The following SLAMF6 variants were observed in gnomAD, a reference collection of about 807,000 sequenced individuals.
The protein encoded by SLAMF6 is SLAM family member 6.
A neutral mutation model predicts 38.3 loss-of-function variants in SLAMF6; 21 were observed. The ratio of observed to expected loss-of-function variants is 0.55; its 90% CI spans 0.39 to 0.79. SLAMF6 has a LOEUF of 0.79. SLAMF6 is among the 30% of genes least tolerant of loss of function. The probability of loss-of-function intolerance (pLI) is 0.00; values close to 1 mark genes in which losing one functional copy is unlikely to be tolerated. For missense variants in SLAMF6, 341 were observed against 385.3 expected (o/e 0.89, Z 0.96); for synonymous variants, 152 against 146.3 (o/e 1.04, Z -0.28).
In SLAMF6 at chr1:160,517,183, C is replaced by A. The variant is rs1244781477; in HGVS notation, c.49+5961G>T. Among the ~76,000 whole-genome samples the A allele has an allele frequency of 2.0e-5, 3 of 152,116 alleles. No individual in the cohort carries two copies. In the East Asian group the frequency reaches 5.8e-4, roughly 29 times the overall value. On this transcript the variant is annotated intron_variant, in intron 1 of 7. Transcript: ENST00000368057. ...TTACAAGAAAAAAATCAAACAACCC[C>A]ATTAAAAGGCGAGCAAAGGACATTA...
chr1:160,490,451 G>T, intron 4 of SLAMF6, 124 bp downstream of exon 4: 3 of 1,380,388 alleles, frequency 2.2e-6, no homozygotes, highest in East Asian at 2.4e-5. Context: ...GACTAGCTGA[G>T]CCAGGGTTTG....
chr1:160,490,846 G>T (rs1356649215), intron 3 of SLAMF6, 161 bp from the exon 4 acceptor site: 9 of 709,922 alleles, frequency 1.3e-5, no homozygotes, highest in Non-Finnish European at 1.6e-5. Context: ...GGCAGGGGAG[G>T]GTGGGGCCCA....
intron 2 of SLAMF6, among the ~76,000 whole-genome samples, chr1:160,495,372 C>T (rs1653521462): frequency 6.6e-6 from 1 of 152,186 alleles, no homozygotes; most frequent in African/African-American, 2.4e-5. Flanking sequence ...TAAGAAATCT[C>T]ATTATAGTTT....
chr1:160,489,000 T>C (rs1571279239), intron 6 of SLAMF6, 88 bp downstream of exon 6: 1 of 1,255,428 alleles, frequency 8.0e-7, no homozygotes, highest in East Asian at 2.3e-5. Flanking sequence ...TCAGTGGTCA[T>C]TTGTTCAGTC....
chr1:160,504,394 TA>T (rs59423926), intron 1 of SLAMF6, among the ~76,000 whole-genome samples: 4,901 of 151,676 alleles, frequency 0.032, 153 homozygotes, highest in East Asian at 0.11. Flanking sequence ...TATACACAAT[TA>T]AAAAAAAATC....
intron 1 of SLAMF6, among the ~76,000 whole-genome samples, chr1:160,507,224 A>C (rs1571305090): frequency 6.6e-6 from 1 of 152,252 alleles, no homozygotes; most frequent in African/African-American, 2.4e-5. Context: ...TAGTAACCAA[A>C]AGAGAGTTAC....
chr1:160,501,540 G>A (rs1653891018), intron 1 of SLAMF6, among the ~76,000 whole-genome samples: 1 of 152,186 alleles, frequency 6.6e-6, no homozygotes, highest in African/African-American at 2.4e-5. Context: ...TTAGAGATAT[G>A]TGCTCCATGG....
At chr1:160,492,351 G>A (rs1278734963) in intron 2 of SLAMF6, among the ~76,000 whole-genome samples, 1 of 152,206 alleles carries the variant, frequency 6.6e-6, no homozygotes, top group East Asian at 1.9e-4. Flanking sequence ...GAGTATTCAT[G>A]TATGGGAAAA....
intron 6 of SLAMF6, among the ~76,000 whole-genome samples, chr1:160,488,748 A>C (rs147931598): frequency 6.8e-4 from 104 of 152,322 alleles, no homozygotes; most frequent in African/African-American, 1.9e-3. Context: ...TGACCCATTC[A>C]GCAAGTATTT....
At chr1:160,521,748 G>T (rs1285135536) in intron 1 of SLAMF6, among the ~76,000 whole-genome samples, 1 of 152,020 alleles carries the variant, frequency 6.6e-6, no homozygotes, top group African/African-American at 2.4e-5. Context: ...AAAATCAGTA[G>T]GTCCAAAATT....
chr1:160,492,988 C>T (rs1253915207), intron 2 of SLAMF6, among the ~76,000 whole-genome samples: 1 of 152,158 alleles, frequency 6.6e-6, no homozygotes, highest in Non-Finnish European at 1.5e-5. Flanking sequence ...TACCCTTCCC[C>T]CTTGAACTCT....
chr1:160,517,728 T>A (rs1052590383), intron 1 of SLAMF6, among the ~76,000 whole-genome samples: 1 of 152,124 alleles, frequency 6.6e-6, no homozygotes, highest in Non-Finnish European at 1.5e-5. Flanking sequence ...CTGGAAGCCA[T>A]TATCCTCAGC....
rs1653572666 is a variant in SLAMF6 at position 160,496,270 on chromosome 1, T to C, written c.173A>G (p.Asn58Ser). Reference sequence around the variant, plus strand: ...TACTATGAAGGCAAGAGATGTTTCATTGAAAAGCCAAGTGATGAAGTTGAC... The same window carrying C: ...TACTATGAAGGCAAGAGATGTTTCACTGAAAAGCCAAGTGATGAAGTTGAC... ...EKVNFITWLF[N>S]ETSLAFIVPH... The change falls in exon 2 of 8, where the codon AAT (asparagine) becomes AGT (serine). Residue 58 changes from asparagine to serine, a missense_variant. Transcript: ENST00000368057. The C allele has an allele frequency of 4.3e-6, 7 of 1,613,948 alleles. No individual in the cohort carries two copies. The highest frequency in any genetic ancestry group is 5.1e-6 in the Non-Finnish European group (6 of 1,179,910).
intron 1 of SLAMF6, among the ~76,000 whole-genome samples, chr1:160,504,054 T>TA (rs1241936220): frequency 1.4e-5 from 2 of 142,294 alleles, no homozygotes; most frequent in African/African-American, 2.7e-5. Context: ...AAAAAGGAGT[T>TA]AAAAAAAGCC....
Position 160,489,163 on chromosome 1 carries a change from G to T in SLAMF6, c.804C>A (p.Ser268=). The T allele has an allele frequency of 6.2e-7, 1 of 1,613,790 alleles. No homozygotes were observed. The highest frequency in any genetic ancestry group is 8.5e-7 in the Non-Finnish European group (1 of 1,179,804). ...STQRTQGPAE[S]ARNLEYVSVS... is the part of the protein sequence containing the mutation. ...CTGAAACATACTCTAGGTTCCTTGC[G>T]GACTCTGCTGTTAACATAGGAAGGC... Residue 268 remains serine, a synonymous_variant, in exon 6 of 8, where the codon TCC becomes TCA. Coordinates refer to ENST00000368057, the MANE Select transcript of SLAMF6 (RefSeq NM_001184714.2).
In SLAMF6 at chr1:160,496,309, G is replaced by A; in HGVS notation, c.134C>T (p.Pro45Leu). Reference sequence around the variant, plus strand: ...GATGAAGTTGACCTTCTCTCCTGCAGGAAACTCCAGGGGAAGAGTTACTGA... The same window carrying A: ...GATGAAGTTGACCTTCTCTCCTGCAAGAAACTCCAGGGGAAGAGTTACTGA... ...GESVTLPLEF[P>L]AGEKVNFITW... The change falls in exon 2 of 8, where the codon CCT becomes CTT. Residue 45 changes from proline (P) to leucine (L), a missense_variant. Physicochemically the swap from Pro to Leu is moderately conservative, Grantham distance 98. Transcript: ENST00000368057. The A allele has an allele frequency of 1.2e-6, 2 of 1,614,020 alleles. No individual in the cohort carries two copies. Among genetic ancestry groups the A allele is most frequent in the Non-Finnish European group, 8.5e-7 (1 of 1,179,934 alleles).
intron 6 of SLAMF6, among the ~76,000 whole-genome samples, chr1:160,487,860 C>T (rs1368184389): frequency 6.6e-6 from 1 of 152,128 alleles, no homozygotes; most frequent in Admixed American, 6.6e-5. Context: ...GAGGACGAGG[C>T]AGGCGGATCA....
At chr1:160,508,335 A>T (rs1395515216) in intron 1 of SLAMF6, among the ~76,000 whole-genome samples, 1 of 152,200 alleles carries the variant, frequency 6.6e-6, no homozygotes, top group African/African-American at 2.4e-5. Context: ...TACAGAACAG[A>T]GGCCTCAGAA....
At chr1:160,496,538 A>G (rs955701187) in intron 1 of SLAMF6, 145 bp from the exon 2 acceptor site, 1 of 766,972 alleles carries the variant, frequency 1.3e-6, no homozygotes, top group Non-Finnish European at 2.1e-6. Context: ...AGGGTAGGAG[A>G]TGTTTCTAAA....
Sources: allele counts gnomAD v4.1 joint callset (sites outside exome capture counted in the v4.1 genomes callset), GRCh38; gene constraint gnomAD v4.1.1; transcripts MANE v1.5; gene names NCBI Gene and HGNC (gene_info 2026-07-23, HGNC 2026-07-21).